The following EIF4G1 variants were observed in gnomAD, a reference collection of about 807,000 sequenced individuals.
EIF4G1 encodes the protein eukaryotic translation initiation factor 4 gamma 1, also known as EIF4-gamma.
In EIF4G1, 4 loss-of-function variants were observed where a neutral mutation model predicts 187.8. That is an observed-to-expected ratio of 0.02 (90% CI 0.01 to 0.05). The LOEUF is 0.05. EIF4G1 is among the 10% of genes least tolerant of loss of function. EIF4G1 has a pLI of 1.00. For synonymous variants in EIF4G1, 844 were observed against 781.4 expected, an observed-to-expected ratio of 1.08 and a Z score of -1.34; for missense variants, 1,647 against 2,081.1, an observed-to-expected ratio of 0.79 and a Z score of 4.06.
At chr3:184,327,172 C>G in intron 23 of EIF4G1, 44 bp from the exon 24 acceptor site, 1 of 1,608,618 alleles carries the variant, frequency 6.2e-7, no homozygotes, top group African/African-American at 1.3e-5. Context: ...ACATGAGTGC[C>G]TGGGCAGTGC....
At position 184,327,401 on chromosome 3, in the gene EIF4G1, G is replaced by A. The variant is rs112176450; in HGVS notation, c.3614G>A (p.Arg1205His). ...CGGCCCTCCCAGCCTGAGGGGCTGC[G>A]CAAGGCAGCTAGCCTCACGGAGGAT... ...RERPSQPEGL[R>H]KAASLTEDRD... Residue 1205 changes from arginine (R) to histidine (H), a missense_variant, in exon 24 of 33, where the codon CGC becomes CAC. This residue lies in a region of EIF4G1 where 543 missense variants were observed against 638.0 expected (regional missense o/e 0.85). Transcript: ENST00000346169. 3.0e-4 allele frequency: 480 copies of A among 1,613,444 alleles called. 1 individual carries two copies. The highest frequency in any genetic ancestry group is 3.8e-4 in the Non-Finnish European group (444 of 1,180,000).
Position 184,331,728 on chromosome 3 carries a change from G to A in EIF4G1, c.4396G>A (p.Ala1466Thr), listed in dbSNP as rs148270724. 1.3e-4 allele frequency: 208 copies of A among 1,614,070 alleles called. No homozygotes were observed. Among genetic ancestry groups the A allele is most frequent in the Non-Finnish European group, 1.7e-4 (205 of 1,180,036 alleles). The change falls in exon 31 of 33, where the codon GCC becomes ACC. Residue 1466 changes from alanine to threonine, a missense_variant and splice_region_variant. Ala to Thr is a moderately conservative substitution (Grantham distance 58, BLOSUM62 0). Around this residue, in one of 11 missense-constraint regions of EIF4G1, gnomAD observed 543 missense variants for 638.0 expected, o/e 0.85. Transcript: ENST00000346169. ...GGGATCATTTGTTTCTCCCATACAG[G>A]CCAACCTGAGTGAGCAGCAGATAGT... The part of the protein sequence containing the change: ...SNQRVFDWIE[A>T]NLSEQQIVSN...
chr3:184,315,699 C>A, intron 2 of EIF4G1, 64 bp from the exon 3 acceptor site: 1 of 1,273,928 alleles, frequency 7.8e-7, no homozygotes, highest in Non-Finnish European at 1.1e-6. Context: ...TCAACCCTTT[C>A]ACCGCCCCAT....
chr3:184,326,930 C>T lies in EIF4G1; in HGVS notation c.3375C>T (p.Ala1125=). Residue 1125 remains alanine (A), a synonymous_variant, in exon 23 of 33, where the codon GCC becomes GCT. Coordinates refer to ENST00000346169, the MANE Select transcript of EIF4G1 (RefSeq NM_198241.3). ...PATSTLNRFS[A]LQQAVPTEST... ...CTAGTACTTTGAATCGCTTCTCAGC[C>T]CTTCAACAAGCGGTACCCACAGAAA... 1.2e-6 allele frequency: 2 copies of T among 1,614,196 alleles called. No homozygotes were observed. The highest frequency in any genetic ancestry group is 8.5e-7 in the Non-Finnish European group (1 of 1,180,040).
chr3:184,327,805 TC>T (rs759742379), intron 25 of EIF4G1, 24 bp from the exon 26 acceptor site: 14 of 1,614,110 alleles, frequency 8.7e-6, no homozygotes, highest in Non-Finnish European at 1.2e-5. Flanking sequence ...ACTGGTCTCT[TC>T]CTGCTGTGCC....
intron 32 of EIF4G1, among the ~76,000 whole-genome samples, chr3:184,333,950 A>T (rs1192070390): frequency 6.6e-6 from 1 of 152,158 alleles, no homozygotes; most frequent in Admixed American, 6.5e-5. Flanking sequence ...GTAGCAGGTG[A>T]CTGTGCCCCT....
At chr3:184,326,019 G>C in intron 21 of EIF4G1, 68 bp downstream of exon 21, 1 of 1,513,212 alleles carries the variant, frequency 6.6e-7, no homozygotes, top group Non-Finnish European at 9.2e-7. Flanking sequence ...CTTTTCTAAA[G>C]TTGAGAAGGT....
intron 4 of EIF4G1, 68 bp from the exon 5 acceptor site, chr3:184,317,253 G>A (rs1174823360): frequency 6.4e-7 from 1 of 1,561,514 alleles, no homozygotes; most frequent in Middle Eastern, 2.2e-4. Flanking sequence ...TAGAGACATT[G>A]TGGAGTGGCA....
chr3:184,331,702 G>T (rs766507429), intron 30 of EIF4G1, 26 bp from the exon 31 acceptor site: 1 of 1,614,018 alleles, frequency 6.2e-7, no homozygotes, highest in East Asian at 2.2e-5. Context: ...TTCAGAATCT[G>T]GGGATCATTT....
chr3:184,327,899 G>C lies in EIF4G1; in HGVS notation c.3850G>C (p.Glu1284Gln), dbSNP rs755074409. The C allele has an allele frequency of 1.2e-6, 2 of 1,613,704 alleles. No homozygotes were observed. Residue 1284 changes from glutamate to glutamine, a missense_variant, in exon 26 of 33, where the codon GAG becomes CAG. Coordinates refer to ENST00000346169, the MANE Select transcript of EIF4G1 (RefSeq NM_198241.3). The part of the protein sequence containing the change: ...LLFIFVRHGV[E>Q]STLERSAIAR... ...CTTCATCTTTGTACGGCATGGTGTC[G>C]AGTCTACGCTGGAGCGCAGTGCCAT...
intron 28 of EIF4G1, 33 bp from the exon 29 acceptor site, chr3:184,331,233 T>C (rs1726040677): frequency 6.2e-7 from 1 of 1,611,476 alleles, no homozygotes; most frequent in African/African-American, 1.3e-5. Context: ...GAGAGAGAGC[T>C]TTGGTAAGCT....
Position 184,327,643 on chromosome 3 carries a change from A to T in EIF4G1, c.3719A>T (p.Glu1240Val). Residue 1240 changes from glutamate (E) to valine (V), a missense_variant, in exon 25 of 33, where the codon GAG becomes GTG. Physicochemically the swap from Glu to Val is moderately radical, Grantham distance 121. This residue lies in a region of EIF4G1 where 543 missense variants were observed against 638.0 expected (regional missense o/e 0.85). Transcript: ENST00000346169. ...CCCCTGAAGGCGGCTCTCTCTGAGGAGGAGTTAGAGAAGAAATCCAAGGCT... is the reference window on the plus strand; with the variant it reads ...CCCCTGAAGGCGGCTCTCTCTGAGGTGGAGTTAGAGAAGAAATCCAAGGCT... Reference protein sequence around the residue: ...VSPLKAALSEEELEKKSKAII... With the variant: ...VSPLKAALSEVELEKKSKAII... 1 of 1,614,188 alleles carries T rather than the reference A, an allele frequency of 6.2e-7. No homozygotes were observed. Among genetic ancestry groups the T allele is most frequent in the Non-Finnish European group, 8.5e-7 (1 of 1,180,020 alleles).
chr3:184,317,446 T>G lies in EIF4G1; in HGVS notation c.273T>G (p.Pro91=). 6.2e-7 allele frequency: 1 copy of G among 1,614,070 alleles called. No individual in the cohort carries two copies. Among genetic ancestry groups the G allele is most frequent in the Non-Finnish European group, 8.5e-7 (1 of 1,179,990 alleles). ...YPAGSQVMMI[P]SQISYPASQG... is the part of the protein sequence containing the mutation. Reference sequence around the variant, plus strand: ...CTGGATCCCAAGTAATGATGATCCCTTCCCAGATCTCCTACCCAGCCTCCC... The same window carrying G: ...CTGGATCCCAAGTAATGATGATCCCGTCCCAGATCTCCTACCCAGCCTCCC... The change falls in exon 5 of 33, where the codon CCT becomes CCG. Residue 91 remains proline, a synonymous_variant. Transcript: ENST00000346169.
At position 184,321,267 on chromosome 3, in the gene EIF4G1, C is replaced by T. The variant is rs137914741; in HGVS notation, c.698-15C>T. The T allele has an allele frequency of 1.3e-4, 212 of 1,614,084 alleles. No homozygotes were observed. The African/African-American group carries it at 2.5e-3, about 19-fold the overall frequency. On this transcript the variant is annotated splice_polypyrimidine_tract_variant and intron_variant, in intron 9 of 32. Transcript: ENST00000346169. ...ACTTGCCTTTAGTTGCTCATTCTTC[C>T]TTCCTATGGTGCAGATGACCGGTCA... is the stretch of plus-strand genomic sequence containing the variant.
rs1445379706 is a variant in EIF4G1 at position 184,321,998 on chromosome 3, G to C, written c.1414G>C (p.Gly472Arg). Residue 472 changes from glycine to arginine, a missense_variant, in exon 10 of 33, where the codon GGA becomes CGA. Transcript: ENST00000346169. ...EEEEGEAGEA[G>R]EAESEKGGEE... ...GGAAGAAGGAGAAGCAGGAGAAGCA[G>C]GAGAAGCTGAGAGTGAGAAAGGAGG... 2 of 1,614,178 alleles carry C rather than the reference G, an allele frequency of 1.2e-6. No individual in the cohort carries two copies. Among genetic ancestry groups the C allele is most frequent in the Non-Finnish European group, 1.7e-6 (2 of 1,180,014 alleles).
intron 6 of EIF4G1, among the ~76,000 whole-genome samples, chr3:184,318,078 A>AC (rs1723095254): frequency 6.6e-6 from 1 of 152,178 alleles, no homozygotes; most frequent in South Asian, 2.1e-4. Context: ...GCCTATTAGT[A>AC]GGCTTTCCCT....
At chr3:184,324,431 G>A in intron 17 of EIF4G1, 84 bp downstream of exon 17, 1 of 1,595,260 alleles carries the variant, frequency 6.3e-7, no homozygotes, top group South Asian at 1.1e-5. Flanking sequence ...AATTTGGAAT[G>A]GAGGTAGTGG....
chr3:184,315,348 T>A (rs1722565829), intron 1 of EIF4G1, 141 bp from the exon 2 acceptor site: 1 of 515,770 alleles, frequency 1.9e-6, no homozygotes, highest in African/African-American at 2.0e-5. Flanking sequence ...TGTCCCCGGG[T>A]GGGGGGTGGG....
In EIF4G1 at chr3:184,331,589, G is replaced by A. The variant is rs764094379; in HGVS notation, c.4378G>A (p.Val1460Met). ...GAAGGAGGGCAGCAGTAACCAGCGG[G>A]TGTTCGACTGGATAGAGGTAGGTTT... ...LLKEGSSNQR[V>M]FDWIEANLSE... Residue 1460 changes from valine to methionine, a missense_variant, in exon 30 of 33, where the codon GTG (valine) becomes ATG (methionine). Transcript: ENST00000346169. 1 of 1,598,848 alleles carries A rather than the reference G, an allele frequency of 6.3e-7. No individual in the cohort carries two copies. The highest frequency in any genetic ancestry group is 1.1e-5 in the South Asian group (1 of 90,786).
Sources: allele counts gnomAD v4.1 joint callset (sites outside exome capture counted in the v4.1 genomes callset), GRCh38; gene constraint gnomAD v4.1.1; regional missense constraint gnomAD v4.1.1; transcripts MANE v1.5; gene names NCBI Gene and HGNC (gene_info 2026-07-23, HGNC 2026-07-21).